The following DTD1 variants were observed in gnomAD, a reference collection of about 807,000 sequenced individuals.
DTD1 encodes the protein D-aminoacyl-tRNA deacylase 1.
DTD1 carries 13 observed loss-of-function variants against 25.6 expected under a neutral mutation model. The observed-to-expected ratio is 0.51, with a 90% CI of 0.33 to 0.81. The LOEUF (loss-of-function observed/expected upper bound fraction) is 0.81. Ranked by LOEUF, DTD1 falls within the 30% of genes least tolerant of loss-of-function variation. The probability of loss-of-function intolerance (pLI) is 0.02; values close to 1 mark genes in which losing one functional copy is unlikely to be tolerated. For missense variants in DTD1, 193 were observed against 266.4 expected (o/e 0.72, Z 1.92); for synonymous variants, 110 against 103.6 (o/e 1.06, Z -0.37).
chr20:18,637,599 TC>T (rs2060812141), intron 4 of DTD1, among the ~76,000 whole-genome samples: 1 of 152,210 alleles, frequency 6.6e-6, no homozygotes. Context: ...GCCTTACTCA[TC>T]TGTCGAAGTG....
At chr20:18,685,388 AGT>A in intron 4 of DTD1, among the ~76,000 whole-genome samples, 2 of 152,224 alleles carry the variant, frequency 1.3e-5, no homozygotes, top group Non-Finnish European at 2.9e-5. Flanking sequence ...CATAGCTGCC[AGT>A]TGGCTGCACA....
chr20:18,652,878 T>A (rs984280509), intron 4 of DTD1, among the ~76,000 whole-genome samples: 1 of 152,212 alleles, frequency 6.6e-6, no homozygotes, highest in East Asian at 1.9e-4. Context: ...GGATTTTTGC[T>A]GAATTTAGAA....
chr20:18,620,011 A>G (rs1045150482), intron 3 of DTD1: 1 of 151,610 alleles, frequency 6.6e-6, no homozygotes, highest in Non-Finnish European at 1.5e-5. Context: ...CACTGAAAAA[A>G]TTTCATTTCT....
chr20:18,676,758 C>T (rs2060976997), intron 4 of DTD1, among the ~76,000 whole-genome samples: 1 of 152,216 alleles, frequency 6.6e-6, no homozygotes, highest in South Asian at 2.1e-4. Context: ...TTGGTCCTAT[C>T]TGTTCTCAGC....
chr20:18,668,512 G>A (rs925780615), intron 4 of DTD1, among the ~76,000 whole-genome samples: 2 of 152,132 alleles, frequency 1.3e-5, no homozygotes, highest in African/African-American at 4.8e-5. Context: ...CAGTGGGACG[G>A]TGGCACCATT....
chr20:18,602,186 G>A (rs1392240963), intron 3 of DTD1, among the ~76,000 whole-genome samples: 1 of 121,198 alleles, frequency 8.3e-6, no homozygotes, highest in African/African-American at 3.0e-5. Context: ...AATGGAAGAT[G>A]AAATGAATGA....
chr20:18,685,491 G>A (rs1309220997), intron 4 of DTD1, among the ~76,000 whole-genome samples: 1 of 152,198 alleles, frequency 6.6e-6, no homozygotes, highest in African/African-American at 2.4e-5. Context: ...GCCAGGAAGG[G>A]AGAAGGTATG....
chr20:18,621,444 T>C (rs1294037049), intron 3 of DTD1, among the ~76,000 whole-genome samples: 1 of 152,224 alleles, frequency 6.6e-6, no homozygotes, highest in Non-Finnish European at 1.5e-5. Context: ...TGGAGATAAT[T>C]TGAGACTATG....
intron 4 of DTD1, among the ~76,000 whole-genome samples, chr20:18,665,782 G>A (rs1002129403): frequency 6.6e-6 from 1 of 151,990 alleles, no homozygotes; most frequent in African/African-American, 2.4e-5. Context: ...GGTCTATAGG[G>A]TTTATTTTTT....
chr20:18,669,206 G>C (rs1420917580), intron 4 of DTD1, among the ~76,000 whole-genome samples: 1 of 152,186 alleles, frequency 6.6e-6, no homozygotes, highest in Non-Finnish European at 1.5e-5. Context: ...GCGTCTCTGA[G>C]GCCACTCCTG....
In DTD1 at chr20:18,612,030, T is replaced by A. The variant is rs868413811; in HGVS notation, c.370+15789T>A. On this transcript the variant is annotated intron_variant, in intron 3 of 5. Coordinates refer to ENST00000377452, the MANE Select transcript of DTD1 (RefSeq NM_080820.6). ...CGACCGTGCCCGGCTAATTAATTTT[T>A]GTGTTTTTTTTTTTTTTTTTTTGAA... Among the ~76,000 whole-genome samples the A allele has an allele frequency of 5.2e-5, 6 of 114,714 alleles. No homozygotes were observed. In the South Asian group the frequency reaches 9.9e-4, roughly 19 times the overall value. 75.3% of individuals were successfully genotyped at this position (114,714 alleles called of 152,430 possible).
chr20:18,588,899 T>C, intron 1 of DTD1: 1 of 981,382 alleles, frequency 1.0e-6, no homozygotes, highest in Non-Finnish European at 1.2e-6. Flanking sequence ...AAAGATATTT[T>C]TTAAAAAACA....
chr20:18,736,454 G>A (rs941033827), intron 4 of DTD1, among the ~76,000 whole-genome samples: 1 of 152,144 alleles, frequency 6.6e-6, no homozygotes, highest in African/African-American at 2.4e-5. Context: ...CTGTGTCATC[G>A]TCACCCTGGA....
Position 18,765,749 on chromosome 20 carries a change from C to A in DTD1, c.*2409C>A, listed in dbSNP as rs963630085. ...CTAAAATTAGATTTTGGGTGGCATT[C>A]TTGTGGAGAATAAATCTCTCAGTCT... On this transcript the variant is annotated 3_prime_UTR_variant, in exon 6 of 6. Transcript: ENST00000377452. 2 of 152,212 alleles carry A rather than the reference C, an allele frequency of 1.3e-5. No individual in the cohort carries two copies. The highest frequency in any genetic ancestry group is 2.9e-5 in the Non-Finnish European group (2 of 68,032). 9.4% of individuals were successfully genotyped at this position (152,212 alleles called of 1,614,324 possible).
intron 4 of DTD1, among the ~76,000 whole-genome samples, chr20:18,718,246 TA>T (rs1198548506): frequency 6.6e-6 from 1 of 152,234 alleles, no homozygotes; most frequent in Non-Finnish European, 1.5e-5. Context: ...GTTTATTAAT[TA>T]GTTAAGTTAG....
At chr20:18,751,726 G>T (rs899133575) in intron 5 of DTD1, among the ~76,000 whole-genome samples, 5 of 151,862 alleles carry the variant, frequency 3.3e-5, no homozygotes, top group Non-Finnish European at 5.9e-5. Context: ...ACTGCTGGCC[G>T]CAAGTGATCC....
At chr20:18,626,670 A>C (rs908776213) in intron 3 of DTD1, among the ~76,000 whole-genome samples, 1 of 152,278 alleles carries the variant, frequency 6.6e-6, no homozygotes, top group Middle Eastern at 3.4e-3. Context: ...GACTGGAAAA[A>C]AATGTTACCA....
chr20:18,620,661 C>G (rs759824204), intron 3 of DTD1, among the ~76,000 whole-genome samples: 2 of 151,984 alleles, frequency 1.3e-5, no homozygotes, highest in African/African-American at 4.8e-5. Context: ...GTGGCATGAT[C>G]ATAGCTCACT....
At position 18,621,668 on chromosome 20, in the gene DTD1, A is replaced by C. The variant is rs556194236; in HGVS notation, c.371-6459A>C. Among the ~76,000 whole-genome samples, 6 of 152,374 alleles carry C rather than the reference A, an allele frequency of 3.9e-5. No individual in the cohort carries two copies. In the East Asian group the frequency reaches 7.7e-4, roughly 20 times the overall value. The stretch of plus-strand genomic sequence containing the variant: ...TATTTTTAAGAATGGTTATATTCTT[A>C]AATGATCTGTGTATGCTAAAATGGC... On this transcript the variant is annotated intron_variant, in intron 3 of 5. Transcript: ENST00000377452.
Sources: gnomAD v4.1 joint callset for allele counts (sites outside exome capture counted in the v4.1 genomes callset) on GRCh38, gnomAD v4.1.1 for gene constraint, MANE v1.5 for transcripts, NCBI Gene and HGNC (gene_info 2026-07-23, HGNC 2026-07-21) for gene names.